SHBG: variants seen among roughly 807,000 people sequenced by gnomAD.
SHBG encodes sex hormone-binding globulin.
Under a neutral mutation model 41.9 loss-of-function variants are expected in SHBG, and 37 were observed. The ratio of observed to expected loss-of-function variants is 0.88; its 90% CI spans 0.68 to 1.16. SHBG has a LOEUF of 1.16. Ranked by LOEUF, SHBG falls within the 50% of genes most tolerant of loss-of-function variation. The pLI is 0.00. For synonymous variants in SHBG, 217 were observed against 205.8 expected, an observed-to-expected ratio of 1.05 and a Z score of -0.47; for missense variants, 466 against 499.9, an observed-to-expected ratio of 0.93 and a Z score of 0.65.
upstream of SHBG, chr17:7,630,115 C>T: frequency 7.0e-7 from 1 of 1,436,694 alleles, no homozygotes; most frequent in Non-Finnish European, 9.8e-7. This position sits in a 1 kb window ranked among gnomAD's most constrained non-coding sequence, Gnocchi z 4.6. Context: ...GCAAGGCTGC[C>T]TGCCTCTACA....
chr17:7,629,449 C>G (rs560600664), upstream of SHBG, among the ~76,000 whole-genome samples: 13 of 152,118 alleles, frequency 8.5e-5, no homozygotes, highest in South Asian at 2.7e-3. Context: ...TACTGCTAGA[C>G]TGTTTAGGCC....
upstream of SHBG, chr17:7,627,206 C>T: frequency 6.2e-7 from 1 of 1,614,080 alleles, no homozygotes; most frequent in East Asian, 2.2e-5. The surrounding 1 kb of genome is among the most constrained non-coding windows in gnomAD (Gnocchi z 4.8). Flanking sequence ...GGATTGTCTC[C>T]AAAGCCATCT....
chr17:7,632,465 CT>C (rs2072449881), intron 6 of SHBG, among the ~76,000 whole-genome samples: 1 of 151,954 alleles, frequency 6.6e-6, no homozygotes, highest in African/African-American at 2.4e-5. Flanking sequence ...AAAAATAAGG[CT>C]TATGGATGGC....
upstream of SHBG, chr17:7,627,164 G>C: frequency 6.2e-7 from 1 of 1,614,132 alleles, no homozygotes; most frequent in Non-Finnish European, 8.5e-7. The surrounding 1 kb of genome is among the most constrained non-coding windows in gnomAD (Gnocchi z 4.8). Flanking sequence ...CCGGGCGCTG[G>C]AAGAATCTCT....
At position 7,630,607 on chromosome 17, in the gene SHBG, C is replaced by A; in HGVS notation, c.204-73C>A. ...TCTTCCTTTCCTTATCTGTGAACAC[C>A]ATCTCCCCCAAACCCACACTGGTTC... On this transcript the variant is annotated intron_variant, in intron 2 of 7. Transcript: ENST00000380450. This position sits in a 1 kb window ranked among gnomAD's most constrained non-coding sequence, Gnocchi z 4.6. The A allele has an allele frequency of 6.5e-7, 1 of 1,534,488 alleles. No individual in the cohort carries two copies. The highest frequency in any genetic ancestry group is 9.0e-7 in the Non-Finnish European group (1 of 1,109,804).
chr17:7,622,744 C>G (rs1233852616), intron 1 of SHBG, among the ~76,000 whole-genome samples: 1 of 151,352 alleles, frequency 6.6e-6, no homozygotes, highest in Non-Finnish European at 1.5e-5. Context: ...AAATGTAAAC[C>G]CTGGGCTGGG....
rs758955041 is a variant in SHBG, at chr17:7,631,581, C to T, written c.556-8C>T. 7.0e-5 allele frequency: 113 copies of T among 1,613,964 alleles called. No individual in the cohort carries two copies. Among genetic ancestry groups the T allele is most frequent in the Middle Eastern group, 3.3e-4 (2 of 6,066 alleles). On this transcript the variant is annotated splice_region_variant and splice_polypyrimidine_tract_variant and intron_variant, in intron 4 of 7. Coordinates refer to ENST00000380450, the MANE Select transcript of SHBG (RefSeq NM_001040.5). ...ACATCCCCGTATCTTATCTCTGTCA[C>T]ACTCCAGCTGGTTCCTGCCCTGGAT...
chr17:7,614,156 G>C (rs977270082), intron 1 of SHBG: 19 of 626,276 alleles, frequency 3.0e-5, no homozygotes, highest in African/African-American at 2.5e-4. Flanking sequence ...TAGAAGCTGG[G>C]TAAAGGGGTC....
upstream of SHBG, among the ~76,000 whole-genome samples, chr17:7,623,029 T>G (rs1356533760): frequency 7.9e-6 from 1 of 126,740 alleles, no homozygotes; most frequent in African/African-American, 2.9e-5. Flanking sequence ...AGAGCGAGAC[T>G]CCGTCTCAAA....
Position 7,633,213 on chromosome 17 carries a change from C to G in SHBG, c.1070C>G (p.Ser357Cys). 1 of 1,614,176 alleles carries G rather than the reference C, an allele frequency of 6.2e-7. No individual in the cohort carries two copies. Among genetic ancestry groups the G allele is most frequent in the Non-Finnish European group, 8.5e-7 (1 of 1,180,018 alleles). The stretch of plus-strand genomic sequence containing the variant: ...CACTACCTCCCTCTAGGAGAAGACT[C>G]TTCCACCTCTTTTTGCCTGAATGGC... ...LFLGALPGED[S>C]STSFCLNGLW... Residue 357 changes from serine to cysteine, a missense_variant, in exon 8 of 8, where the codon TCT (serine) becomes TGT (cysteine). Coordinates refer to ENST00000380450, the MANE Select transcript of SHBG (RefSeq NM_001040.5).
At chr17:7,622,759 G>A (rs1371236697) in intron 1 of SHBG, among the ~76,000 whole-genome samples, 2 of 151,906 alleles carry the variant, frequency 1.3e-5, no homozygotes, top group African/African-American at 2.4e-5. Context: ...GCTGGGCACG[G>A]TGGCTCACGC....
chr17:7,632,421 C>G (rs1397218246), intron 6 of SHBG, among the ~76,000 whole-genome samples: 1 of 151,934 alleles, frequency 6.6e-6, no homozygotes, highest in Non-Finnish European at 1.5e-5. Context: ...CTGACCTGGG[C>G]CACAGTGAGA....
chr17:7,625,591 G>T (rs529969514), upstream of SHBG, among the ~76,000 whole-genome samples: 107 of 147,894 alleles, frequency 7.2e-4, no homozygotes, highest in African/African-American at 2.0e-3. Flanking sequence ...AAAATAAAAA[G>T]AAAAAGAAAA....
intron 3 of SHBG, 81 bp from the exon 4 acceptor site, chr17:7,631,119 C>T (rs2150968440): frequency 1.2e-5 from 16 of 1,388,084 alleles, no homozygotes; most frequent in East Asian, 5.0e-5. Context: ...GTTCTTTCCA[C>T]TATAGTACTA....
Position 7,630,341 on chromosome 17 carries a change from CTG to C in SHBG, c.111+60_111+61del. The C allele has an allele frequency of 1.3e-6, 2 of 1,589,680 alleles. No homozygotes were observed. Among genetic ancestry groups the C allele is most frequent in the Non-Finnish European group, 1.7e-6 (2 of 1,157,864 alleles). The stretch of plus-strand genomic sequence containing the variant: ...CAGTCTTCCCTTCTCTCCTCTGGCC[CTG>C]TAGCAGGGCCTCTCCCTCTGTCTGT... On this transcript the variant is annotated intron_variant, in intron 1 of 7. Coordinates refer to ENST00000380450, the MANE Select transcript of SHBG (RefSeq NM_001040.5). This position sits in a 1 kb window ranked among gnomAD's most constrained non-coding sequence, Gnocchi z 4.6.
chr17:7,631,470 G>A, intron 4 of SHBG, 109 bp downstream of exon 4: 2 of 1,562,174 alleles, frequency 1.3e-6, no homozygotes, highest in Non-Finnish European at 1.8e-6. Context: ...GAAGGGTTGA[G>A]AGCTGCAAGG....
At chr17:7,614,609 C>G (rs1174369606) in intron 1 of SHBG, 2 of 935,580 alleles carry the variant, frequency 2.1e-6, no homozygotes, top group Non-Finnish European at 2.8e-6. Context: ...AGGCCCCCGG[C>G]GTCTCCCCGG....
chr17:7,626,021 G>A (rs928039071), upstream of SHBG, among the ~76,000 whole-genome samples: 2 of 149,658 alleles, frequency 1.3e-5, no homozygotes, highest in African/African-American at 4.9e-5. Context: ...GGCCAGTATG[G>A]TGAAACACCG....
At chr17:7,627,545 C>CG, upstream of SHBG, 1 of 1,606,884 alleles carries the variant, frequency 6.2e-7, no homozygotes, top group Non-Finnish European at 8.5e-7. This position sits in a 1 kb window ranked among gnomAD's most constrained non-coding sequence, Gnocchi z 4.8. Flanking sequence ...CTCTGACCCC[C>CG]GGGTTACCGG....
Sources: allele counts gnomAD v4.1 joint callset (sites outside exome capture counted in the v4.1 genomes callset), GRCh38; gene constraint gnomAD v4.1.1; non-coding constraint Gnocchi (gnomAD v3.1); transcripts MANE v1.5; gene names NCBI Gene and HGNC (gene_info 2026-07-23, HGNC 2026-07-21).